Variants in FBXO17 observed in about 807,000 individuals in gnomAD.
FBXO17 encodes F-box only protein 17.
In FBXO17, 43 loss-of-function variants were observed where a neutral mutation model predicts 34.1. The observed-to-expected ratio is 1.26, with a 90% CI of 0.99 to 1.62. The LOEUF (loss-of-function observed/expected upper bound fraction) is 1.62, where lower values mean the gene tolerates loss of function less well. FBXO17 is among the 40% of genes most tolerant of loss of function. FBXO17 has a pLI of 0.00. For synonymous variants in FBXO17, 169 were observed against 166.0 expected (o/e 1.02, Z -0.14); for missense variants, 424 against 386.7 (o/e 1.10, Z -0.81).
intron 5 of FBXO17, 120 bp from the exon 6 acceptor site, chr19:38,942,871 G>T: frequency 8.0e-7 from 1 of 1,254,250 alleles, no homozygotes; most frequent in Non-Finnish European, 1.1e-6. Context: ...GCTGGGGACG[G>T]AGCAGTGAAT....
chr19:38,969,541 T>C (rs1975363377), intron 1 of FBXO17, among the ~76,000 whole-genome samples: 1 of 148,694 alleles, frequency 6.7e-6, no homozygotes. Flanking sequence ...AGAACTCCCA[T>C]ACATTCCTGG....
intron 1 of FBXO17, among the ~76,000 whole-genome samples, chr19:38,974,045 T>C (rs62121473): frequency 0.024 from 3,405 of 142,316 alleles, 46 homozygotes; most frequent in Admixed American, 0.031. Flanking sequence ...TATATATATA[T>C]ACACATATAT....
Position 38,950,087 on chromosome 19 carries a change from G to GC in FBXO17, c.232dup (p.Ala78GlyfsTer103). 6.4e-7 allele frequency: 1 copy of GC among 1,566,780 alleles called. No homozygotes were observed. The highest frequency in any genetic ancestry group is 8.6e-7 in the Non-Finnish European group (1 of 1,157,706). ...TTCGTTGCTGGGCAGGCAGCGTTGA[G>GC]CCACTGCGTAGAGTGCGCGGCCCTC... On this transcript the variant is annotated frameshift_variant, in exon 2 of 6. Coordinates refer to ENST00000292852, the MANE Select transcript of FBXO17 (RefSeq NM_024907.7). LOFTEE classifies it high-confidence loss of function.
rs1006370102 is a variant in FBXO17, at chr19:38,974,953, C to T, written c.-18+633G>A. ...GTATTATTTATTTTACAACTAGACTCCCATAATATTTGTCTTTCAAAATAT... is the reference window on the plus strand; with the variant it reads ...GTATTATTTATTTTACAACTAGACTTCCATAATATTTGTCTTTCAAAATAT... On this transcript the variant is annotated intron_variant, in intron 1 of 5. Coordinates refer to ENST00000292852, the MANE Select transcript of FBXO17 (RefSeq NM_024907.7). Among the ~76,000 whole-genome samples, 6 of 152,076 alleles carry T rather than the reference C, an allele frequency of 3.9e-5. No homozygotes were observed. The East Asian group carries it at 1.2e-3, about 29-fold the overall frequency.
In FBXO17 at chr19:38,949,991, A is replaced by T; in HGVS notation, c.329T>A (p.Ile110Asn). The T allele has an allele frequency of 6.5e-7, 1 of 1,548,848 alleles. No homozygotes were observed. Among genetic ancestry groups the T allele is most frequent in the South Asian group, 1.2e-5 (1 of 83,810 alleles). The change falls in exon 2 of 6, where the codon ATC becomes AAC. Residue 110 changes from isoleucine to asparagine, a missense_variant. Physicochemically the swap from Ile to Asn is moderately radical, Grantham distance 149 (BLOSUM62 -3). Coordinates refer to ENST00000292852, the MANE Select transcript of FBXO17 (RefSeq NM_024907.7). ...CCCACGCTCTCCGCAGGAGTTGAAG[A>T]TGAGATTGCGGCCGAAGGGCGCGCG... ...CLRAPFGRNL[I>N]FNSCGEQGFR...
rs1217603044 is a variant in FBXO17, at chr19:38,950,122, G to A, written c.198C>T (p.Asp66=). The A allele has an allele frequency of 1.9e-6, 3 of 1,561,174 alleles. No homozygotes were observed. Among genetic ancestry groups the A allele is most frequent in the African/African-American group, 1.4e-5 (1 of 73,530 alleles). ...PTVWLLQLAR[D]RSAEGRALYA... is the part of the protein sequence containing the mutation. Reference sequence around the variant, plus strand: ...AGAGTGCGCGGCCCTCGGCGCTGCGGTCGCGGGCCAGCTGCAGCAGCCACA... The same window carrying A: ...AGAGTGCGCGGCCCTCGGCGCTGCGATCGCGGGCCAGCTGCAGCAGCCACA... Residue 66 remains aspartate, a synonymous_variant, in exon 2 of 6, where the codon GAC becomes GAT. Transcript: ENST00000292852.
chr19:38,971,241 C>T (rs1975387118), intron 1 of FBXO17, among the ~76,000 whole-genome samples: 3 of 152,008 alleles, frequency 2.0e-5, no homozygotes, highest in Non-Finnish European at 4.4e-5. Flanking sequence ...TGGCCCTCGA[C>T]AAATGTTTGC....
At chr19:38,950,912 C>A (rs1444351745) in intron 1 of FBXO17, among the ~76,000 whole-genome samples, 1 of 152,170 alleles carries the variant, frequency 6.6e-6, no homozygotes, top group Non-Finnish European at 1.5e-5. Context: ...CTGCCTCAGC[C>A]TCCCGAGTAG....
At chr19:38,969,228 C>A (rs766890565) in intron 1 of FBXO17, among the ~76,000 whole-genome samples, 4 of 151,958 alleles carry the variant, frequency 2.6e-5, no homozygotes, top group African/African-American at 9.7e-5. Context: ...GTGGGATGAT[C>A]GCTTGAGCCC....
chr19:38,969,588 C>A (rs1470053698), intron 1 of FBXO17, among the ~76,000 whole-genome samples: 1 of 103,494 alleles, frequency 9.7e-6, no homozygotes, highest in Non-Finnish European at 1.9e-5. Context: ...AACCACTGGG[C>A]TTTTTTTTTT....
chr19:38,942,758 G>C lies in FBXO17; in HGVS notation c.694-7C>G, dbSNP rs751897804. 4.1e-5 allele frequency: 66 copies of C among 1,600,158 alleles called. 2 individuals are homozygous for C. The Admixed American group carries it at 1.1e-3, about 27-fold the overall frequency. ...TGGTGAAGACGTGGGAGACCTGCAG[G>C]GGGAAGGGGAGTGAGAGGGTGAGGG... On this transcript the variant is annotated splice_polypyrimidine_tract_variant and splice_region_variant and intron_variant, in intron 5 of 5. Coordinates refer to ENST00000292852, the MANE Select transcript of FBXO17 (RefSeq NM_024907.7).
chr19:38,945,100 C>T lies in FBXO17; in HGVS notation c.562G>A (p.Gly188Ser), dbSNP rs1474068747. ...ACGCAGCCGCAGTTCTCTCGAGCGCCCCACCTGCCAGGCAGCAGTCAGCCT... is the reference window on the plus strand; with the variant it reads ...ACGCAGCCGCAGTTCTCTCGAGCGCTCCACCTGCCAGGCAGCAGTCAGCCT... Reference protein sequence around the residue: ...QIEICVADWWGARENCGCVYQ... With the variant: ...QIEICVADWWSARENCGCVYQ... Residue 188 changes from glycine to serine, a missense_variant, in exon 5 of 6, where the codon GGC becomes AGC. Physicochemically the swap from Gly to Ser is moderately conservative, Grantham distance 56 (BLOSUM62 0). Coordinates refer to ENST00000292852, the MANE Select transcript of FBXO17 (RefSeq NM_024907.7). 3.1e-6 allele frequency: 5 copies of T among 1,613,964 alleles called. No individual in the cohort carries two copies. The highest frequency in any genetic ancestry group is 4.5e-5 in the East Asian group (2 of 44,900).
At chr19:38,969,588 CTTTTTTTT>C (rs67681512) in intron 1 of FBXO17, among the ~76,000 whole-genome samples, 2 of 103,494 alleles carry the variant, frequency 1.9e-5, no homozygotes, top group African/African-American at 8.5e-5. Context: ...AACCACTGGG[CTTTTTTTT>C]TTTTTTTTTT....
At chr19:38,951,974 C>T (rs7246128) in intron 1 of FBXO17, among the ~76,000 whole-genome samples, 15,936 of 149,142 alleles carry the variant, frequency 0.11, 934 homozygotes, top group African/African-American at 0.13. Flanking sequence ...TTTCTGAAAC[C>T]GAGTCTTACT....
chr19:38,953,438 A>G (rs1468163445), intron 1 of FBXO17, among the ~76,000 whole-genome samples: 1 of 152,048 alleles, frequency 6.6e-6, no homozygotes, highest in Non-Finnish European at 1.5e-5. Flanking sequence ...TGAGGTGGGC[A>G]GATCACTTGA....
intron 1 of FBXO17, among the ~76,000 whole-genome samples, chr19:38,952,171 T>G (rs1453086812): frequency 6.6e-6 from 1 of 151,928 alleles, no homozygotes; most frequent in Non-Finnish European, 1.5e-5. Context: ...GGTCTCAAAC[T>G]CCTGACCTCA....
chr19:38,967,643 C>A (rs2144841742), intron 1 of FBXO17, among the ~76,000 whole-genome samples: 1 of 151,726 alleles, frequency 6.6e-6, no homozygotes, highest in South Asian at 2.1e-4. Flanking sequence ...TGGCTCACTG[C>A]AGCCTCAACC....
chr19:38,949,491 C>A (rs954053097), intron 2 of FBXO17, among the ~76,000 whole-genome samples: 12 of 152,240 alleles, frequency 7.9e-5, no homozygotes, highest in African/African-American at 1.7e-4. Flanking sequence ...ACCATAGACT[C>A]CCAAAATGCT....
At chr19:38,956,919 T>C (rs1030120252) in intron 1 of FBXO17, among the ~76,000 whole-genome samples, 4 of 152,124 alleles carry the variant, frequency 2.6e-5, no homozygotes, top group Admixed American at 1.3e-4. Context: ...TGATGTGTCA[T>C]AATAATGGCA....
Sources: allele counts gnomAD v4.1 joint callset (sites outside exome capture counted in the v4.1 genomes callset), GRCh38; gene constraint gnomAD v4.1.1; transcripts MANE v1.5; gene names NCBI Gene and HGNC (gene_info 2026-07-23, HGNC 2026-07-21).